SYNE2: variants seen among roughly 807,000 people sequenced by gnomAD.
SYNE2 encodes spectrin repeat containing nuclear envelope protein 2.
Under a neutral mutation model 856.3 loss-of-function variants are expected in SYNE2, and 431 were observed. The ratio of observed to expected loss-of-function variants is 0.50; its 90% CI spans 0.47 to 0.55. SYNE2 has a LOEUF of 0.55. Among genes scored for constraint, SYNE2 ranks in the 20% least tolerant of loss-of-function variants. SYNE2 has a pLI of 0.00. For missense variants in SYNE2, 8,129 were observed against 8,023.2 expected, an observed-to-expected ratio of 1.01 and a Z score of -0.50; for synonymous variants, 2,923 against 2,872.3, an observed-to-expected ratio of 1.02 and a Z score of -0.56.
intron 51 of SYNE2, among the ~76,000 whole-genome samples, chr14:64,070,273 C>G (rs536661356): frequency 1.3e-5 from 2 of 152,182 alleles, no homozygotes; most frequent in Non-Finnish European, 2.9e-5. Context: ...TTTTCCATAT[C>G]CAATAGTTGC....
At chr14:63,826,827 A>G (rs992019287) in intron 1 of SYNE2, among the ~76,000 whole-genome samples, 3 of 152,202 alleles carry the variant, frequency 2.0e-5, no homozygotes, top group Admixed American at 6.6e-5. Flanking sequence ...CCATAAGCAC[A>G]AGCTATAAAA....
rs1045331469 is a variant in SYNE2, at chr14:63,940,772, G to C, written c.141+97G>C. On this transcript the variant is annotated intron_variant, in intron 3 of 115. Transcript: ENST00000555002. The stretch of plus-strand genomic sequence containing the variant: ...AAGGAGGCCATTAAAAAATGGTACT[G>C]GTGATGACAGGGAAAAGGTTGTGGA... 37 of 1,014,602 alleles carry C rather than the reference G, an allele frequency of 3.6e-5. No homozygotes were observed. The South Asian group carries it at 4.4e-4, about 12-fold the overall frequency. The allele number at this position is 1,014,602 out of a possible 1,614,324, so 62.8% of individuals were successfully genotyped here. A position where few individuals can be genotyped will look rare whatever the true frequency, so the allele number is the denominator to read the frequency against.
intron 96 of SYNE2, among the ~76,000 whole-genome samples, chr14:64,185,387 G>T (rs2098483507): frequency 6.6e-6 from 1 of 152,188 alleles, no homozygotes; most frequent in East Asian, 1.9e-4. Context: ...AAATCTGGTA[G>T]ACTCTTGAGT....
intron 93 of SYNE2, among the ~76,000 whole-genome samples, chr14:64,169,480 G>C (rs1019768511): frequency 6.6e-6 from 1 of 152,206 alleles, no homozygotes; most frequent in Non-Finnish European, 1.5e-5. Flanking sequence ...TGGCCAGTCT[G>C]CTAATGCTGA....
At position 64,177,590 on chromosome 14, in the gene SYNE2, A is replaced by G. The variant is rs1013729844; in HGVS notation, c.17556+107A>G. ...TATTGAAACTGAGTTTTCATTTTCA[A>G]TCAGAAAATATTTTCCCGATCTGTC... On this transcript the variant is annotated intron_variant, in intron 96 of 115. Transcript: ENST00000555002. The G allele has an allele frequency of 9.2e-6, 13 of 1,416,928 alleles. No individual in the cohort carries two copies. The Admixed American group carries it at 1.0e-4, about 11-fold the overall frequency. 87.8% of individuals were successfully genotyped at this position (1,416,928 alleles called of 1,614,324 possible).
intron 45 of SYNE2, among the ~76,000 whole-genome samples, chr14:64,041,230 C>T (rs1032744672): frequency 6.6e-6 from 1 of 151,950 alleles, no homozygotes; most frequent in Non-Finnish European, 1.5e-5. Flanking sequence ...TAAATCTTTA[C>T]AAGAGAATAT....
At chr14:63,863,591 A>G (rs185255015) in intron 1 of SYNE2, among the ~76,000 whole-genome samples, 1 of 152,298 alleles carries the variant, frequency 6.6e-6, no homozygotes, top group Non-Finnish European at 1.5e-5. Flanking sequence ...CATGCCTCCA[A>G]AACAAATAAA....
chr14:64,062,947 C>G (rs372352453), intron 50 of SYNE2, 52 bp downstream of exon 50: 1,379 of 1,609,282 alleles, frequency 8.6e-4, no homozygotes, highest in Admixed American at 1.7e-3. Flanking sequence ...AATTGCAGAA[C>G]AAACTGGCAG....
intron 68 of SYNE2, among the ~76,000 whole-genome samples, chr14:64,121,375 G>T (rs966219332): frequency 5.3e-5 from 8 of 151,902 alleles, no homozygotes; most frequent in South Asian, 2.1e-4. Flanking sequence ...ACAAAAAAAT[G>T]AGCCAGGCAT....
intron 96 of SYNE2, among the ~76,000 whole-genome samples, chr14:64,182,643 C>T (rs1488711534): frequency 7.2e-5 from 11 of 152,118 alleles, no homozygotes; most frequent in Admixed American, 2.6e-4. Context: ...CATCTTGCAC[C>T]GCCCTTAATC....
chr14:63,905,673 C>T (rs76863174), intron 1 of SYNE2, among the ~76,000 whole-genome samples: 1 of 152,204 alleles, frequency 6.6e-6, no homozygotes, highest in Non-Finnish European at 1.5e-5. Context: ...TCTAAAATCA[C>T]ATATCAGTTC....
intron 85 of SYNE2, among the ~76,000 whole-genome samples, chr14:64,154,936 C>T (rs1303601161): frequency 6.6e-6 from 1 of 152,054 alleles, no homozygotes; most frequent in Admixed American, 6.6e-5. Context: ...AAAGAAGTAC[C>T]ACTTCCCACC....
At chr14:63,810,426 A>G (rs1414554536) in intron 1 of SYNE2, among the ~76,000 whole-genome samples, 1 of 152,202 alleles carries the variant, frequency 6.6e-6, no homozygotes, top group Non-Finnish European at 1.5e-5. Flanking sequence ...GAGCTGAGAT[A>G]TAATAAGATT....
intron 1 of SYNE2, among the ~76,000 whole-genome samples, chr14:63,816,793 T>G (rs1889010835): frequency 6.6e-6 from 1 of 152,002 alleles, no homozygotes; most frequent in South Asian, 2.1e-4. Context: ...CATAGCTCAC[T>G]GCAGCCGTGA....
chr14:63,767,981 C>T (rs987741776), intron 1 of SYNE2, among the ~76,000 whole-genome samples: 19 of 151,976 alleles, frequency 1.3e-4, no homozygotes, highest in African/African-American at 4.3e-4. Flanking sequence ...ATTGCTTGAG[C>T]GCAGGAGTTC....
At chr14:64,103,698 A>G (rs191897908) in intron 64 of SYNE2, among the ~76,000 whole-genome samples, 21 of 152,108 alleles carry the variant, frequency 1.4e-4, no homozygotes, top group African/African-American at 4.6e-4. Context: ...CTCAGTACTC[A>G]GGCTTCCCCT....
At chr14:64,081,123 G>A (rs2097519605) in intron 56 of SYNE2, among the ~76,000 whole-genome samples, 1 of 152,210 alleles carries the variant, frequency 6.6e-6, no homozygotes, top group Admixed American at 6.5e-5. Context: ...TCCTGAACAG[G>A]AGGACAAAGT....
At chr14:64,212,175 A>G (rs1444991829) in intron 104 of SYNE2, 77 bp downstream of exon 104, 4 of 1,604,524 alleles carry the variant, frequency 2.5e-6, no homozygotes, top group African/African-American at 1.3e-5. Flanking sequence ...TGCAAATTTC[A>G]CACGATACTC....
chr14:64,144,634 G>A (rs760293219), intron 83 of SYNE2, among the ~76,000 whole-genome samples: 16 of 152,110 alleles, frequency 1.1e-4, no homozygotes, highest in Non-Finnish European at 1.8e-4. Flanking sequence ...ATCAGATAAG[G>A]ACAAAAACCC....
Sources: allele counts gnomAD v4.1 joint callset (sites outside exome capture counted in the v4.1 genomes callset), GRCh38; gene constraint gnomAD v4.1.1; transcripts MANE v1.5; gene names NCBI Gene and HGNC (gene_info 2026-07-23, HGNC 2026-07-21).